GRIK1: variants seen among roughly 807,000 people sequenced by gnomAD.
GRIK1 encodes glutamate receptor ionotropic, kainate 1.
A neutral mutation model predicts 105.7 loss-of-function variants in GRIK1; 69 were observed. The ratio of observed to expected loss-of-function variants is 0.65; its 90% CI spans 0.54 to 0.80. The LOEUF is 0.80. GRIK1 is among the 30% of genes least tolerant of loss of function. The pLI is 0.00. For missense variants in GRIK1, 1,109 were observed against 1,167.3 expected, an observed-to-expected ratio of 0.95 and a Z score of 0.73; for synonymous variants, 438 against 431.3, an observed-to-expected ratio of 1.02 and a Z score of -0.19.
intron 1 of GRIK1, among the ~76,000 whole-genome samples, chr21:29,799,280 C>T (rs1030182269): frequency 4.6e-5 from 7 of 152,168 alleles, no homozygotes; most frequent in African/African-American, 1.7e-4. Context: ...GACATTTAGA[C>T]TGACATGGAC....
In GRIK1 at chr21:29,898,174, T is replaced by C. The variant is rs2070244455; in HGVS notation, c.118+41209A>G. 2.0e-5 allele frequency among the ~76,000 whole-genome samples: 3 copies of C among 152,196 alleles called. No homozygotes were observed. The South Asian group carries it at 6.2e-4, about 32-fold the overall frequency. ...CCCCTTTTCTTTCCTAAAGACCTAA[T>C]TATACTTTAAATTACTTGTTTCTGC... On this transcript the variant is annotated intron_variant, in intron 1 of 17. Coordinates refer to ENST00000327783, the MANE Select transcript of GRIK1 (RefSeq NM_001330994.2).
At chr21:29,596,614 T>G (rs1241250135) in intron 8 of GRIK1, 44 bp from the exon 9 acceptor site, 1 of 1,406,624 alleles carries the variant, frequency 7.1e-7, no homozygotes, top group South Asian at 1.2e-5. Context: ...AGCACTTAAT[T>G]AAAATGGAGC....
chr21:29,722,824 G>A (rs1027087944), intron 1 of GRIK1, among the ~76,000 whole-genome samples: 1 of 152,102 alleles, frequency 6.6e-6, no homozygotes, highest in Non-Finnish European at 1.5e-5. Context: ...AGAAGGCAAA[G>A]CAAAGAGATT....
chr21:29,651,022 G>T, intron 6 of GRIK1, 96 bp downstream of exon 6: 3 of 917,804 alleles, frequency 3.3e-6, no homozygotes, highest in Admixed American at 2.8e-5. Context: ...GGCACCCACT[G>T]TAACACTTTT....
At chr21:29,778,664 G>A (rs1036978617) in intron 1 of GRIK1, among the ~76,000 whole-genome samples, 1 of 152,170 alleles carries the variant, frequency 6.6e-6, no homozygotes, top group African/African-American at 2.4e-5. Context: ...AATGCAATCT[G>A]TTGGCCATTG....
chr21:29,859,476 T>C (rs1320713710), intron 1 of GRIK1, among the ~76,000 whole-genome samples: 1 of 152,160 alleles, frequency 6.6e-6, no homozygotes, highest in Non-Finnish European at 1.5e-5. Flanking sequence ...TACTGACAGT[T>C]CCACTGCCCT....
intron 1 of GRIK1, among the ~76,000 whole-genome samples, chr21:29,863,054 G>A (rs1056824051): frequency 6.6e-6 from 1 of 152,140 alleles, no homozygotes; most frequent in Non-Finnish European, 1.5e-5. Context: ...GTGTATCTAT[G>A]TGTGTATATG....
At chr21:29,838,312 T>C (rs1459730656) in intron 1 of GRIK1, among the ~76,000 whole-genome samples, 3 of 152,022 alleles carry the variant, frequency 2.0e-5, no homozygotes, top group Non-Finnish European at 4.4e-5. Context: ...TATTTTAAAC[T>C]ATGAAGAGTA....
At chr21:29,869,674 CT>C (rs1432275201) in intron 1 of GRIK1, among the ~76,000 whole-genome samples, 1 of 152,154 alleles carries the variant, frequency 6.6e-6, no homozygotes, top group Non-Finnish European at 1.5e-5. Flanking sequence ...GTGTAAACCC[CT>C]GCCCATGTTA....
chr21:29,862,294 T>G (rs529640026), intron 1 of GRIK1, among the ~76,000 whole-genome samples: 2 of 152,350 alleles, frequency 1.3e-5, no homozygotes, highest in South Asian at 4.1e-4. Context: ...GGCCACTTAT[T>G]TTTATATGAA....
intron 1 of GRIK1, among the ~76,000 whole-genome samples, chr21:29,768,126 G>T (rs2065721425): frequency 6.6e-6 from 1 of 152,220 alleles, no homozygotes; most frequent in East Asian, 1.9e-4. Flanking sequence ...AATGATTATC[G>T]AGAGTTTTTA....
chr21:29,623,301 C>T (rs375276406), intron 7 of GRIK1, among the ~76,000 whole-genome samples: 1 of 152,158 alleles, frequency 6.6e-6, no homozygotes, highest in Non-Finnish European at 1.5e-5. Context: ...GACCCACCCT[C>T]ATGATTCAAT....
At chr21:29,787,897 T>C (rs1601697575) in intron 1 of GRIK1, among the ~76,000 whole-genome samples, 2 of 152,314 alleles carry the variant, frequency 1.3e-5, no homozygotes, top group Admixed American at 6.5e-5. Flanking sequence ...TATTTTAGTG[T>C]CCCTCATTTT....
chr21:29,632,179 G>A (rs1346318770), intron 7 of GRIK1, among the ~76,000 whole-genome samples: 1 of 152,060 alleles, frequency 6.6e-6, no homozygotes, highest in Non-Finnish European at 1.5e-5. Flanking sequence ...ATATAGCAAT[G>A]CCCATTTCCC....
chr21:29,653,746 C>A (rs2062788051), intron 5 of GRIK1, among the ~76,000 whole-genome samples: 9 of 152,130 alleles, frequency 5.9e-5, no homozygotes, highest in Admixed American at 5.9e-4. Flanking sequence ...ACTATGCAAA[C>A]CTTAGTTCAG....
intron 1 of GRIK1, among the ~76,000 whole-genome samples, chr21:29,937,517 G>T (rs1221778914): frequency 6.6e-6 from 1 of 152,182 alleles, no homozygotes; most frequent in South Asian, 2.1e-4. Context: ...TGATTGCTTG[G>T]AGCTTAGAAA....
intron 7 of GRIK1, among the ~76,000 whole-genome samples, chr21:29,635,509 G>A (rs1424765709): frequency 6.6e-6 from 1 of 152,160 alleles, no homozygotes. Context: ...GTCTGAAATA[G>A]GTTCACTGCA....
intron 12 of GRIK1, among the ~76,000 whole-genome samples, chr21:29,586,922 C>T (rs2091141815): frequency 6.6e-6 from 1 of 152,112 alleles, no homozygotes. Context: ...CTAAGGGTTT[C>T]ACAATCTTTT....
intron 1 of GRIK1, among the ~76,000 whole-genome samples, chr21:29,890,870 A>G (rs1460012669): frequency 6.6e-6 from 1 of 152,170 alleles, no homozygotes; most frequent in Admixed American, 6.5e-5. Flanking sequence ...GAGCCCATTT[A>G]TATAATGAAG....
Sources: gnomAD v4.1 joint callset for allele counts (sites outside exome capture counted in the v4.1 genomes callset) on GRCh38, gnomAD v4.1.1 for gene constraint, MANE v1.5 for transcripts, NCBI Gene and HGNC (gene_info 2026-07-23, HGNC 2026-07-21) for gene names.